Variants in PKP2 observed in about 807,000 individuals in gnomAD.
PKP2 encodes the protein plakophilin 2, also known as plakophilin-2.
Under a neutral mutation model 83.4 loss-of-function variants are expected in PKP2, and 73 were observed. The observed-to-expected ratio is 0.88, with a 90% CI of 0.72 to 1.06. PKP2 has a LOEUF of 1.06. Among genes scored for constraint, PKP2 ranks in the 50% least tolerant of loss-of-function variants. The probability of loss-of-function intolerance (pLI) is 0.00; values close to 1 mark genes in which losing one functional copy is unlikely to be tolerated. For missense variants in PKP2, 966 were observed against 1,065.4 expected (o/e 0.91, Z 1.30); for synonymous variants, 409 against 430.4 (o/e 0.95, Z 0.62).
chr12:32,797,558 A>ATTTTTTTTTT (rs770545212), intron 10 of PKP2, among the ~76,000 whole-genome samples: 3 of 131,000 alleles, frequency 2.3e-5, no homozygotes, highest in African/African-American at 6.0e-5. Flanking sequence ...GTGAACTAAA[A>ATTTTTTTTTT]TCTTTTTTTT....
chr12:32,801,416 A>C (rs1956177519), intron 10 of PKP2, among the ~76,000 whole-genome samples: 1 of 152,210 alleles, frequency 6.6e-6, no homozygotes, highest in Non-Finnish European at 1.5e-5. Context: ...GCCTATGGCG[A>C]GGTCTCTTTC....
chr12:32,884,869 CGAT>C (rs2137972859), intron 1 of PKP2, among the ~76,000 whole-genome samples: 1 of 151,386 alleles, frequency 6.6e-6, no homozygotes, highest in African/African-American at 2.4e-5. Context: ...CTGAGGAGCA[CGAT>C]GATATTACTG....
chr12:32,807,729 A>G (rs1046212574), intron 9 of PKP2, among the ~76,000 whole-genome samples: 6 of 152,164 alleles, frequency 3.9e-5, no homozygotes, highest in South Asian at 4.1e-4. Flanking sequence ...CCTGGTATTG[A>G]CGAATTCCCT....
intron 3 of PKP2, among the ~76,000 whole-genome samples, chr12:32,875,867 A>G (rs1159481481): frequency 1.3e-5 from 2 of 152,154 alleles, no homozygotes; most frequent in African/African-American, 4.8e-5. Flanking sequence ...AATTTCCAGG[A>G]GGTTGTTACA....
chr12:32,824,426 T>A, intron 6 of PKP2: 1 of 449,094 alleles, frequency 2.2e-6, no homozygotes, highest in Middle Eastern at 6.7e-4. Flanking sequence ...CATTATTTAC[T>A]TAATCTTCAC....
chr12:32,855,639 G>C (rs190399224), intron 4 of PKP2, among the ~76,000 whole-genome samples: 404 of 152,080 alleles, frequency 2.7e-3, no homozygotes, highest in African/African-American at 9.4e-3. Flanking sequence ...AGCTGGGTGT[G>C]GTGGCGCAAG....
chr12:32,850,687 A>G (rs1438424448), intron 5 of PKP2, 79 bp downstream of exon 5: 18 of 1,082,584 alleles, frequency 1.7e-5, no homozygotes, highest in Non-Finnish European at 1.4e-6. Context: ...GCTCCAGGAA[A>G]CTTAAGAAAA....
intron 6 of PKP2, among the ~76,000 whole-genome samples, chr12:32,839,374 CT>C (rs758561343): frequency 0.012 from 1,525 of 130,192 alleles, 9 homozygotes; most frequent in Middle Eastern, 0.017. Flanking sequence ...AAGATGTGCA[CT>C]TTTTTTTTTT....
chr12:32,828,308 AAAAAGAG>A (rs200573718), intron 6 of PKP2, among the ~76,000 whole-genome samples: 2,769 of 152,290 alleles, frequency 0.018, 40 homozygotes, highest in Non-Finnish European at 0.026. Context: ...TGTCACAATG[AAAAAGAG>A]AAAAGAAAAC....
intron 6 of PKP2, among the ~76,000 whole-genome samples, chr12:32,824,915 G>T (rs890212928): frequency 6.6e-6 from 1 of 152,090 alleles, no homozygotes; most frequent in African/African-American, 2.4e-5. Context: ...TAATGCATTT[G>T]GGGATTACAG....
chr12:32,849,349 T>G (rs1313045476), intron 5 of PKP2, among the ~76,000 whole-genome samples: 3 of 152,182 alleles, frequency 2.0e-5, no homozygotes, highest in Non-Finnish European at 4.4e-5. Context: ...CCTGAATAGC[T>G]GAGACTACAG....
intron 4 of PKP2, among the ~76,000 whole-genome samples, chr12:32,858,486 G>A (rs370452560): frequency 2.6e-4 from 39 of 152,018 alleles, no homozygotes; most frequent in African/African-American, 8.2e-4. Context: ...GAACAAATAG[G>A]CAAAGGGTCA....
In PKP2 at chr12:32,878,452, T is replaced by C. The variant is rs1448551311; in HGVS notation, c.428A>G (p.His143Arg). ...QKSVEERSLR[H>R]PLRRLEISPD... is the part of the protein sequence containing the mutation. ...AGAAATCTCCAGTCTCCTCAGAGGATGCCTCAAGGACCTTTCTTCCACGGA... is the reference window on the plus strand; with the variant it reads ...AGAAATCTCCAGTCTCCTCAGAGGACGCCTCAAGGACCTTTCTTCCACGGA... Residue 143 changes from histidine (H) to arginine (R), a missense_variant, in exon 3 of 13, where the codon CAT becomes CGT. His to Arg is a conservative substitution (Grantham distance 29). Transcript: ENST00000340811. 6 of 1,614,160 alleles carry C rather than the reference T, an allele frequency of 3.7e-6. No homozygotes were observed. The highest frequency in any genetic ancestry group is 4.2e-6 in the Non-Finnish European group (5 of 1,180,014).
intron 4 of PKP2, among the ~76,000 whole-genome samples, chr12:32,864,954 G>C (rs1956833428): frequency 6.6e-6 from 1 of 152,132 alleles, no homozygotes; most frequent in Non-Finnish European, 1.5e-5. Context: ...TGGTTGACTT[G>C]AGTCATATTT....
chr12:32,892,598 G>C (rs1201363264), intron 1 of PKP2, among the ~76,000 whole-genome samples: 1 of 152,068 alleles, frequency 6.6e-6, no homozygotes, highest in African/African-American at 2.4e-5. Flanking sequence ...CTACAGGCAT[G>C]AGTCACTGCG....
chr12:32,888,534 G>C (rs1319652878), intron 1 of PKP2, among the ~76,000 whole-genome samples: 1 of 150,876 alleles, frequency 6.6e-6, no homozygotes, highest in African/African-American at 2.4e-5. Context: ...TTGTTGCCCA[G>C]GCTGGAGTGC....
At chr12:32,864,649 C>G (rs1173304594) in intron 4 of PKP2, among the ~76,000 whole-genome samples, 1 of 152,060 alleles carries the variant, frequency 6.6e-6, no homozygotes, top group Admixed American at 6.6e-5. Context: ...AAAATCCCAG[C>G]AATTATTTTT....
intron 1 of PKP2, among the ~76,000 whole-genome samples, chr12:32,881,300 G>A (rs1309555823): frequency 6.6e-6 from 1 of 152,162 alleles, no homozygotes; most frequent in Non-Finnish European, 1.5e-5. Context: ...GATAAACCAG[G>A]CATCTCCTGT....
chr12:32,841,356 A>G, intron 5 of PKP2, 151 bp from the exon 6 acceptor site: 8 of 671,742 alleles, frequency 1.2e-5, no homozygotes, highest in Non-Finnish European at 2.1e-5. Context: ...CAACTAGAAG[A>G]ACCCAATTAG....
Sources: gnomAD v4.1 joint callset for allele counts (sites outside exome capture counted in the v4.1 genomes callset) on GRCh38, gnomAD v4.1.1 for gene constraint, MANE v1.5 for transcripts, NCBI Gene and HGNC (gene_info 2026-07-23, HGNC 2026-07-21) for gene names.